The following LGALS8 variants were observed in gnomAD, a reference collection of about 807,000 sequenced individuals.
LGALS8 encodes galectin-8.
Under a neutral mutation model 35.9 loss-of-function variants are expected in LGALS8, and 30 were observed. The ratio of observed to expected loss-of-function variants is 0.83; its 90% CI spans 0.62 to 1.13. The LOEUF (loss-of-function observed/expected upper bound fraction) is 1.13. Ranked by LOEUF, LGALS8 falls within the 50% of genes most tolerant of loss-of-function variation. The probability of loss-of-function intolerance (pLI) is 0.00; values close to 1 mark genes in which losing one functional copy is unlikely to be tolerated. For synonymous variants in LGALS8, 138 were observed against 136.1 expected (o/e 1.01, Z -0.10); for missense variants, 366 against 388.7 (o/e 0.94, Z 0.49).
chr1:236,538,900 T>C lies in LGALS8; in HGVS notation c.156T>C (p.Asn52=). 6.2e-7 allele frequency: 1 copy of C among 1,612,860 alleles called. No individual in the cohort carries two copies. Among genetic ancestry groups the C allele is most frequent in the South Asian group, 1.1e-5 (1 of 91,018 alleles). The part of the protein sequence containing the change: ...DADRFQVDLQ[N]GSSMKPRADV... ...ATAGATTCCAGGTGGATCTGCAGAA[T>C]GGCAGCAGCATGAAACCTCGAGCCG... The change falls in exon 4 of 10, where the codon AAT becomes AAC. Residue 52 remains asparagine, a synonymous_variant. Coordinates refer to ENST00000366584, the MANE Select transcript of LGALS8 (RefSeq NM_201544.4).
At chr1:236,530,455 TTTA>T (rs1661082902) in intron 2 of LGALS8, among the ~76,000 whole-genome samples, 1 of 152,182 alleles carries the variant, frequency 6.6e-6, no homozygotes, top group Admixed American at 6.5e-5. Flanking sequence ...CTTTTTTGGT[TTTA>T]CTAGTGAAAT....
rs562338325 is a variant in LGALS8, at chr1:236,537,021, C to CTTTTTTTTGTTTTTT, written c.46-468_46-467insGTTTTTTTTTTTTTT. On this transcript the variant is annotated intron_variant, in intron 2 of 9. Transcript: ENST00000366584. ...ATCCTGGCCATGAGGTATGCAGTTC[C>CTTTTTTTTGTTTTTT]TTTTTTTTTTTTTGAGACGGAGCCT... Among the ~76,000 whole-genome samples, 7 of 137,850 alleles carry CTTTTTTTTGTTTTTT rather than the reference C, an allele frequency of 5.1e-5. 2 individuals carry two copies. The highest frequency in any genetic ancestry group is 7.6e-5 in the Non-Finnish European group (5 of 65,952). The allele number at this position is 137,850 out of a possible 152,430, so 90.4% of individuals were successfully genotyped here. A position where few individuals can be genotyped will look rare whatever the true frequency, so the allele number is the denominator to read the frequency against.
At position 236,552,853 on chromosome 1, in the gene LGALS8, TATTACAATAA is replaced by T. The variant is rs1662815799; in HGVS notation, c.*4696_*4705del. The T allele has an allele frequency of 6.6e-6, 1 of 152,210 alleles. No homozygotes were observed. Among genetic ancestry groups the T allele is most frequent in the East Asian group, 1.9e-4 (1 of 5,202 alleles). 9.4% of individuals were successfully genotyped at this position (152,210 alleles called of 1,614,324 possible). On this transcript the variant is annotated 3_prime_UTR_variant, in exon 10 of 10. Coordinates refer to ENST00000366584, the MANE Select transcript of LGALS8 (RefSeq NM_201544.4). Reference sequence around the variant, plus strand: ...TTTCCTTGATTTGTGCAAAGTAAAATATTACAATAAATTTGATACTGCTACTTGTATAAAA... The same window carrying T: ...TTTCCTTGATTTGTGCAAAGTAAAATATTTGATACTGCTACTTGTATAAAA...
At chr1:236,535,057 T>C (rs1302189601) in intron 2 of LGALS8, among the ~76,000 whole-genome samples, 11 of 86,888 alleles carry the variant, frequency 1.3e-4, no homozygotes, top group Non-Finnish European at 8.7e-5. Flanking sequence ...TGAGACTCTG[T>C]CTCAAAAAAA....
rs1662594476 is a variant in LGALS8, at chr1:236,549,150, A to G, written c.*989A>G. On this transcript the variant is annotated 3_prime_UTR_variant, in exon 10 of 10. Coordinates refer to ENST00000366584, the MANE Select transcript of LGALS8 (RefSeq NM_201544.4). ...TAATGCAGAAATCTGTTTTGTTCCCATGAAATCACCAATCAAGGCCTCCGT... is the reference window on the plus strand; with the variant it reads ...TAATGCAGAAATCTGTTTTGTTCCCGTGAAATCACCAATCAAGGCCTCCGT... 1 of 396,276 alleles carries G rather than the reference A, an allele frequency of 2.5e-6. No homozygotes were observed. Among genetic ancestry groups the G allele is most frequent in the Admixed American group, 4.4e-5 (1 of 22,692 alleles). The allele number at this position is 396,276 out of a possible 1,614,324, so 24.5% of individuals were successfully genotyped here.
rs1367696645 is a variant in LGALS8 at position 236,550,682 on chromosome 1, G to A, written c.*2521G>A. On this transcript the variant is annotated 3_prime_UTR_variant, in exon 10 of 10. Transcript: ENST00000366584. ...ACAGCAGTCTGTATAAAAATACCGT[G>A]TATCATTTACTCTTTCTGCAGCTCT... The A allele has an allele frequency of 2.2e-5, 10 of 460,272 alleles. No homozygotes were observed. In the Admixed American group the frequency reaches 2.3e-4, roughly 11 times the overall value. 28.5% of individuals were successfully genotyped at this position (460,272 alleles called of 1,614,324 possible). A position where few individuals can be genotyped will look rare whatever the true frequency, so the allele number is the denominator to read the frequency against.
intron 1 of LGALS8, chr1:236,524,274 G>A (rs1282010236): frequency 2.2e-6 from 1 of 456,004 alleles, no homozygotes; most frequent in East Asian, 7.0e-5. Flanking sequence ...TGCAGGCGAG[G>A]CGCTCCGGGG....
At chr1:236,525,831 G>A (rs1431211454) in intron 1 of LGALS8, 137 bp from the exon 2 acceptor site, 1 of 349,970 alleles carries the variant, frequency 2.9e-6, no homozygotes, top group African/African-American at 2.1e-5. Context: ...AGAATGGGAG[G>A]CAGATCGTTG....
At chr1:236,520,521 C>T (rs898495574), upstream of LGALS8, among the ~76,000 whole-genome samples, 1 of 152,152 alleles carries the variant, frequency 6.6e-6, no homozygotes, top group Non-Finnish European at 1.5e-5. Context: ...CAGTTCTTCA[C>T]CTCCCATTTC....
chr1:236,542,585 C>T, intron 6 of LGALS8, 176 bp from the exon 7 acceptor site: 1 of 662,908 alleles, frequency 1.5e-6, no homozygotes, highest in Admixed American at 2.4e-5. Flanking sequence ...CCGTGTAGCC[C>T]TTCACAACAC....
rs116821696 is a variant in LGALS8 at position 236,552,573 on chromosome 1, A to C, written c.*4412A>C. 6,934 of 152,664 alleles carry C rather than the reference A, an allele frequency of 0.045. 201 individuals are homozygous for C. The highest frequency in any genetic ancestry group is 0.085 in the African/African-American group (3,551 of 41,556). The allele number at this position is 152,664 out of a possible 1,614,324, so 9.5% of individuals were successfully genotyped here. ...TGAGGGGCCAGGACAGTCGCTTGGG[A>C]TAAACTCCCATCTCAGCACTGAATA... is the stretch of plus-strand genomic sequence containing the variant. On this transcript the variant is annotated 3_prime_UTR_variant, in exon 10 of 10. Coordinates refer to ENST00000366584, the MANE Select transcript of LGALS8 (RefSeq NM_201544.4).
chr1:236,529,411 G>A (rs1489737542), intron 2 of LGALS8, among the ~76,000 whole-genome samples: 3 of 151,728 alleles, frequency 2.0e-5, no homozygotes, highest in Non-Finnish European at 2.9e-5. Flanking sequence ...GTGAAACCCC[G>A]TCTCTACTAA....
At chr1:236,521,438 AAGT>A (rs763907802), upstream of LGALS8, among the ~76,000 whole-genome samples, 53 of 152,226 alleles carry the variant, frequency 3.5e-4, 1 homozygote, top group Non-Finnish European at 3.8e-4. Flanking sequence ...GTGAGAAGGA[AAGT>A]AGTAGGAGAT....
chr1:236,524,423 G>T (rs1035706878), intron 1 of LGALS8: 1 of 456,712 alleles, frequency 2.2e-6, no homozygotes, highest in South Asian at 1.5e-5. Flanking sequence ...GCCTGAGGCC[G>T]AGCGCCACCT....
Position 236,542,717 on chromosome 1 carries a change from T to C in LGALS8, c.523-44T>C, listed in dbSNP as rs777105325. 1.9e-6 allele frequency: 3 copies of C among 1,600,280 alleles called. No individual in the cohort carries two copies. The African/African-American group carries it at 4.0e-5, about 21-fold the overall frequency. Reference sequence around the variant, plus strand: ...AAGACTTCAGATTATAAACTATAATTCTTCCCCTTCTAACATTGTTGTGTT... The same window carrying C: ...AAGACTTCAGATTATAAACTATAATCCTTCCCCTTCTAACATTGTTGTGTT... On this transcript the variant is annotated intron_variant, in intron 6 of 9. Coordinates refer to ENST00000366584, the MANE Select transcript of LGALS8 (RefSeq NM_201544.4).
intron 9 of LGALS8, chr1:236,545,161 G>T: frequency 6.7e-6 from 2 of 297,230 alleles, no homozygotes; most frequent in Non-Finnish European, 1.3e-5. Flanking sequence ...TTCCTGTGTA[G>T]CCCCATATTG....
chr1:236,548,731 T>C lies in LGALS8; in HGVS notation c.*570T>C, dbSNP rs557858465. 2 of 390,262 alleles carry C rather than the reference T, an allele frequency of 5.1e-6. No homozygotes were observed. Among genetic ancestry groups the C allele is most frequent in the East Asian group, 7.3e-5 (2 of 27,564 alleles). The allele number at this position is 390,262 out of a possible 1,614,324, so 24.2% of individuals were successfully genotyped here. A position where few individuals can be genotyped will look rare whatever the true frequency, so the allele number is the denominator to read the frequency against. ...CAGTGATCACTGTCATAACCAGTGCTCTACCGTATCCCATCACTGAGGACT... is the reference window on the plus strand; with the variant it reads ...CAGTGATCACTGTCATAACCAGTGCCCTACCGTATCCCATCACTGAGGACT... On this transcript the variant is annotated 3_prime_UTR_variant, in exon 10 of 10. Coordinates refer to ENST00000366584, the MANE Select transcript of LGALS8 (RefSeq NM_201544.4).
intron 9 of LGALS8, among the ~76,000 whole-genome samples, chr1:236,546,935 G>GCT (rs3047490): frequency 0.61 from 92,824 of 151,980 alleles, 29,242 homozygotes; most frequent in Non-Finnish European, 0.69. Flanking sequence ...ATCTTGGCCA[G>GCT]CTGTTATCAG....
intron 8 of LGALS8, 34 bp from the exon 9 acceptor site, chr1:236,544,712 GTTAA>G: frequency 2.7e-6 from 4 of 1,500,768 alleles, no homozygotes; most frequent in South Asian, 1.2e-5. Context: ...GTCCTACTTG[GTTAA>G]TTAAGGTTTT....
Sources: allele counts gnomAD v4.1 joint callset (sites outside exome capture counted in the v4.1 genomes callset), GRCh38; gene constraint gnomAD v4.1.1; transcripts MANE v1.5; gene names NCBI Gene and HGNC (gene_info 2026-07-23, HGNC 2026-07-21).